The following FADD variants were observed in gnomAD, a reference collection of about 807,000 sequenced individuals.
FADD encodes FAS-associated death domain protein.
Under a neutral mutation model 5.8 loss-of-function variants are expected in FADD, and 3 were observed. That is an observed-to-expected ratio of 0.52 (90% CI 0.24 to 1.34). The LOEUF is 1.34. Ranked by LOEUF, FADD falls within the 40% of genes most tolerant of loss-of-function variation. FADD has a pLI of 0.17. For missense variants in FADD, 249 were observed against 286.7 expected (o/e 0.87, Z 0.95); for synonymous variants, 138 against 130.8 (o/e 1.06, Z -0.38).
Position 70,203,522 on chromosome 11 carries a change from C to T in FADD, c.63C>T (p.Thr21=), listed in dbSNP as rs745881152. Residue 21 remains threonine (T), a synonymous_variant, in exon 1 of 2, where the codon ACC becomes ACT. Transcript: ENST00000301838. ...CCAGCCTGTCGAGCAGCGAGCTGAC[C>T]GAGCTCAAGTTCCTATGCCTCGGGC... is the stretch of plus-strand genomic sequence containing the variant. ...VSSSLSSSEL[T]ELKFLCLGRV... 1.2e-6 allele frequency: 2 copies of T among 1,610,870 alleles called. No homozygotes were observed. The highest frequency in any genetic ancestry group is 1.7e-6 in the Non-Finnish European group (2 of 1,179,034).
Position 70,203,506 on chromosome 11 carries a change from C to G in FADD, c.47C>G (p.Ser16Trp), listed in dbSNP as rs754720219. ...CTGCACTCGGTGTCGTCCAGCCTGTCGAGCAGCGAGCTGACCGAGCTCAAG... is the reference window on the plus strand; with the variant it reads ...CTGCACTCGGTGTCGTCCAGCCTGTGGAGCAGCGAGCTGACCGAGCTCAAG... ...VLLHSVSSSL[S>W]SSELTELKFL... The change falls in exon 1 of 2, where the codon TCG (serine) becomes TGG (tryptophan). Residue 16 changes from serine (S) to tryptophan (W), a missense_variant. Physicochemically the swap from Ser to Trp is radical, Grantham distance 177. Coordinates refer to ENST00000301838, the MANE Select transcript of FADD (RefSeq NM_003824.4). The G allele has an allele frequency of 1.2e-6, 2 of 1,606,518 alleles. No homozygotes were observed. Among genetic ancestry groups the G allele is most frequent in the South Asian group, 1.1e-5 (1 of 90,230 alleles).
At position 70,206,649 on chromosome 11, in the gene FADD, C is replaced by T. The variant is rs879944355; in HGVS notation, c.*176C>T. ...TATTAATGCCTCTCCCGCACCAGGC[C>T]GGGCTTGGGCCCTGCACAGATATTT... On this transcript the variant is annotated 3_prime_UTR_variant, in exon 2 of 2. Coordinates refer to ENST00000301838, the MANE Select transcript of FADD (RefSeq NM_003824.4). 5.2e-5 allele frequency: 33 copies of T among 639,136 alleles called. No individual in the cohort carries two copies. The highest frequency in any genetic ancestry group is 9.0e-5 in the African/African-American group (5 of 55,348). The allele number at this position is 639,136 out of a possible 1,614,324, so 39.6% of individuals were successfully genotyped here. A position where few individuals can be genotyped will look rare whatever the true frequency, so the allele number is the denominator to read the frequency against.
In FADD at chr11:70,206,615, A is replaced by C; in HGVS notation, c.*142A>C. 1.3e-6 allele frequency: 1 copy of C among 749,726 alleles called. No individual in the cohort carries two copies. The highest frequency in any genetic ancestry group is 2.3e-6 in the Non-Finnish European group (1 of 444,400). 46.4% of individuals were successfully genotyped at this position (749,726 alleles called of 1,614,324 possible). ...CACAGACCACCTGCTTCTGAACTCA[A>C]GCTGCGTTTATTAATGCCTCTCCCG... On this transcript the variant is annotated 3_prime_UTR_variant, in exon 2 of 2. Coordinates refer to ENST00000301838, the MANE Select transcript of FADD (RefSeq NM_003824.4).
Position 70,203,526 on chromosome 11 carries a change from C to T in FADD, c.67C>T (p.Leu23Phe). ...CCTGTCGAGCAGCGAGCTGACCGAG[C>T]TCAAGTTCCTATGCCTCGGGCGCGT... Reference protein sequence around the residue: ...SSLSSSELTELKFLCLGRVGK... With the variant: ...SSLSSSELTEFKFLCLGRVGK... The change falls in exon 1 of 2, where the codon CTC (leucine) becomes TTC (phenylalanine). Residue 23 changes from leucine to phenylalanine, a missense_variant. Transcript: ENST00000301838. 1 of 1,611,322 alleles carries T rather than the reference C, an allele frequency of 6.2e-7. No individual in the cohort carries two copies. The highest frequency in any genetic ancestry group is 8.5e-7 in the Non-Finnish European group (1 of 1,179,202).
rs2049466399 is a variant in FADD at position 70,206,910 on chromosome 11, C to T, written c.*437C>T. On this transcript the variant is annotated 3_prime_UTR_variant, in exon 2 of 2. Transcript: ENST00000301838. ...GCCATCCTTCACCAGAGCCCATGCT[C>T]AACCACTGTGGCGTTCTGCTGCCCC... The T allele has an allele frequency of 4.3e-6, 1 of 231,842 alleles. No homozygotes were observed. The highest frequency in any genetic ancestry group is 5.2e-5 in the Admixed American group (1 of 19,206). The allele number at this position is 231,842 out of a possible 1,614,324, so 14.4% of individuals were successfully genotyped here.
chr11:70,203,377 G>A lies in FADD; in HGVS notation c.-83G>A. 2.0e-6 allele frequency: 3 copies of A among 1,535,130 alleles called. No homozygotes were observed. The highest frequency in any genetic ancestry group is 2.5e-5 in the East Asian group (1 of 40,458). ...ATCCTTGGGCCGCTGGGCAAGCGGC[G>A]AGACCTGGCCAGGGCCAGCGAGCCG... On this transcript the variant is annotated 5_prime_UTR_variant, in exon 1 of 2. Coordinates refer to ENST00000301838, the MANE Select transcript of FADD (RefSeq NM_003824.4).
rs1131677 is a variant in FADD at position 70,203,417 on chromosome 11, A to G, written c.-43A>G. ...CCAGCGAGCCGAGGACAGAGGGCGC[A>G]CGGAGGGCCGGGCCGCAGCCCCGGC... On this transcript the variant is annotated 5_prime_UTR_variant, in exon 1 of 2. Coordinates refer to ENST00000301838, the MANE Select transcript of FADD (RefSeq NM_003824.4). 0.57 allele frequency: 875,591 copies of G among 1,548,628 alleles called. 249,243 individuals are homozygous for G. The highest frequency in any genetic ancestry group is 0.63 in the East Asian group (25,915 of 40,890).
Position 70,206,036 on chromosome 11 carries a change from C to G in FADD, c.287-97C>G, listed in dbSNP as rs1194781460. On this transcript the variant is annotated intron_variant, in intron 1 of 1. Transcript: ENST00000301838. ...GACCTCGTGTAGGCACCTCTGTCCA[C>G]TCAGCACTTGGCGTCTGTGCTGAAA... 5.7e-6 allele frequency: 6 copies of G among 1,054,890 alleles called. No individual in the cohort carries two copies. In the East Asian group the frequency reaches 1.5e-4, roughly 27 times the overall value. 65.3% of individuals were successfully genotyped at this position (1,054,890 alleles called of 1,614,324 possible).
Position 70,206,324 on chromosome 11 carries a change from C to T in FADD, c.478C>T (p.His160Tyr), listed in dbSNP as rs376340895. 2.5e-6 allele frequency: 4 copies of T among 1,614,064 alleles called. No individual in the cohort carries two copies. Among genetic ancestry groups the T allele is most frequent in the Non-Finnish European group, 3.4e-6 (4 of 1,180,036 alleles). Reference protein sequence around the residue: ...NTEKENATVAHLVGALRSCQM... With the variant: ...NTEKENATVAYLVGALRSCQM... ...AGAGAAGGAGAACGCAACAGTGGCC[C>T]ACCTGGTGGGGGCTCTCAGGTCCTG... Residue 160 changes from histidine (H) to tyrosine (Y), a missense_variant, in exon 2 of 2, where the codon CAC (histidine) becomes TAC (tyrosine). Physicochemically the swap from His to Tyr is moderately conservative, Grantham distance 83 (BLOSUM62 2). Transcript: ENST00000301838.
chr11:70,206,081 G>T, intron 1 of FADD, 52 bp from the exon 2 acceptor site: 9 of 1,489,512 alleles, frequency 6.0e-6, no homozygotes, highest in African/African-American at 1.4e-5. Context: ...GAGGATTGTG[G>T]GGTCGCTTGT....
At position 70,206,867 on chromosome 11, in the gene FADD, AC is replaced by A. The variant is rs1168897715; in HGVS notation, c.*395del. 1 of 261,340 alleles carries A rather than the reference AC, an allele frequency of 3.8e-6. No individual in the cohort carries two copies. The highest frequency in any genetic ancestry group is 2.2e-5 in the African/African-American group (1 of 45,120). The allele number at this position is 261,340 out of a possible 1,614,324, so 16.2% of individuals were successfully genotyped here. A position where few individuals can be genotyped will look rare whatever the true frequency, so the allele number is the denominator to read the frequency against. ...TCGGAGCGAAGCAGAGAGGTGGAGA[AC>A]TGGGATTTGAACCCCCGCCATCCTT... On this transcript the variant is annotated 3_prime_UTR_variant, in exon 2 of 2. Transcript: ENST00000301838.
intron 1 of FADD, among the ~76,000 whole-genome samples, chr11:70,204,503 C>G (rs192376613): frequency 1.6e-3 from 241 of 152,324 alleles, no homozygotes; most frequent in African/African-American, 5.6e-3. Context: ...GCCCTACCCC[C>G]CTTGTTCTCA....
chr11:70,206,189 C>G lies in FADD; in HGVS notation c.343C>G (p.Leu115Val), dbSNP rs759700113. The G allele has an allele frequency of 7.4e-6, 12 of 1,614,080 alleles. No homozygotes were observed. Among genetic ancestry groups the G allele is most frequent in the Non-Finnish European group, 9.3e-6 (11 of 1,180,042 alleles). ...TAATGTGGGGAAAGATTGGAGAAGGCTGGCTCGTCAGCTCAAAGTCTCAGA... is the reference window on the plus strand; with the variant it reads ...TAATGTGGGGAAAGATTGGAGAAGGGTGGCTCGTCAGCTCAAAGTCTCAGA... ...CDNVGKDWRR[L>V]ARQLKVSDTK... The change falls in exon 2 of 2, where the codon CTG becomes GTG. Residue 115 changes from leucine to valine, a missense_variant. Leu to Val is a conservative substitution (Grantham distance 32). Coordinates refer to ENST00000301838, the MANE Select transcript of FADD (RefSeq NM_003824.4).
intron 1 of FADD, among the ~76,000 whole-genome samples, chr11:70,204,355 A>G (rs1007749395): frequency 2.0e-5 from 3 of 152,158 alleles, no homozygotes; most frequent in African/African-American, 4.8e-5. Context: ...AGTGTTAGCC[A>G]CTACACTGCC....
At position 70,206,482 on chromosome 11, in the gene FADD, T is replaced by C; in HGVS notation, c.*9T>C. 1.9e-6 allele frequency: 3 copies of C among 1,611,626 alleles called. No homozygotes were observed. Among genetic ancestry groups the C allele is most frequent in the Non-Finnish European group, 2.5e-6 (3 of 1,178,812 alleles). On this transcript the variant is annotated 3_prime_UTR_variant, in exon 2 of 2. Transcript: ENST00000301838. ...CCTCCGAAGCGTCCTGATGGGCCGCTGCTTTGCGCTGGTGGACCACAGGCA... is the reference window on the plus strand; with the variant it reads ...CCTCCGAAGCGTCCTGATGGGCCGCCGCTTTGCGCTGGTGGACCACAGGCA...
chr11:70,205,731 C>A (rs969540962), intron 1 of FADD, among the ~76,000 whole-genome samples: 45 of 152,212 alleles, frequency 3.0e-4, no homozygotes, highest in African/African-American at 1.1e-3. Context: ...AGCAATTTCA[C>A]GTGAACATAC....
At chr11:70,204,430 C>T (rs2049444644) in intron 1 of FADD, among the ~76,000 whole-genome samples, 2 of 151,744 alleles carry the variant, frequency 1.3e-5, no homozygotes, top group Admixed American at 6.5e-5. Context: ...TCTCCACCCT[C>T]GCCTGTGGAT....
rs201376917 is a variant in FADD, at chr11:70,203,468, G to A, written c.9G>A (p.Pro3=). 6.3e-7 allele frequency: 1 copy of A among 1,581,706 alleles called. No individual in the cohort carries two copies. Among genetic ancestry groups the A allele is most frequent in the Non-Finnish European group, 8.6e-7 (1 of 1,164,080 alleles). The change falls in exon 1 of 2, where the codon CCG becomes CCA. Residue 3 remains proline (P), a synonymous_variant. Coordinates refer to ENST00000301838, the MANE Select transcript of FADD (RefSeq NM_003824.4). ...CGCTTGCAGACCCCGCCATGGACCCGTTCCTGGTGCTGCTGCACTCGGTGT... is the reference window on the plus strand; with the variant it reads ...CGCTTGCAGACCCCGCCATGGACCCATTCCTGGTGCTGCTGCACTCGGTGT... MD[P]FLVLLHSVSS...
chr11:70,205,386 T>C (rs2049451693), intron 1 of FADD, among the ~76,000 whole-genome samples: 1 of 152,218 alleles, frequency 6.6e-6, no homozygotes, highest in African/African-American at 2.4e-5. Flanking sequence ...TTCCTGTGAT[T>C]GCCATAACAA....
Sources: gnomAD v4.1 joint callset for allele counts (sites outside exome capture counted in the v4.1 genomes callset) on GRCh38, gnomAD v4.1.1 for gene constraint, MANE v1.5 for transcripts, NCBI Gene and HGNC (gene_info 2026-07-23, HGNC 2026-07-21) for gene names.